SEMA3D: variants seen among roughly 807,000 people sequenced by gnomAD.
SEMA3D encodes semaphorin 3D.
SEMA3D carries 84 observed loss-of-function variants against 100.1 expected under a neutral mutation model. The ratio of observed to expected loss-of-function variants is 0.84; its 90% CI spans 0.70 to 1.01. SEMA3D has a LOEUF of 1.01. SEMA3D is among the 50% of genes least tolerant of loss of function. SEMA3D has a pLI of 0.00. For synonymous variants in SEMA3D, 312 were observed against 320.7 expected (o/e 0.97, Z 0.29); for missense variants, 875 against 934.1 (o/e 0.94, Z 0.82).
At chr7:85,098,511 T>A (rs1414549802) in intron 3 of SEMA3D, among the ~76,000 whole-genome samples, 1 of 151,856 alleles carries the variant, frequency 6.6e-6, no homozygotes, top group Non-Finnish European at 1.5e-5. Flanking sequence ...TTCTACTTTT[T>A]AAAAAATACA....
intron 1 of SEMA3D, among the ~76,000 whole-genome samples, chr7:85,156,569 C>G (rs544977427): frequency 1.3e-5 from 2 of 152,140 alleles, no homozygotes; most frequent in South Asian, 4.1e-4. Context: ...GTCTTAACTA[C>G]ATTTTAATTT....
intron 3 of SEMA3D, among the ~76,000 whole-genome samples, chr7:85,113,629 G>GC: frequency 6.6e-6 from 1 of 151,166 alleles, no homozygotes; most frequent in African/African-American, 2.4e-5. Flanking sequence ...AAATTAGCTG[G>GC]GCTTGGTGGC....
At chr7:85,111,376 C>T (rs1041253437) in intron 3 of SEMA3D, among the ~76,000 whole-genome samples, 8 of 152,118 alleles carry the variant, frequency 5.3e-5, no homozygotes, top group African/African-American at 4.8e-5. Context: ...TCCCACAAAA[C>T]GACTTCTTCC....
chr7:85,152,566 C>T (rs1790461669), intron 2 of SEMA3D, among the ~76,000 whole-genome samples: 1 of 151,948 alleles, frequency 6.6e-6, no homozygotes, highest in South Asian at 2.1e-4. Flanking sequence ...AACAATGAAA[C>T]AACACAACAA....
chr7:85,042,381 C>T (rs2115994292), intron 9 of SEMA3D, 96 bp from the exon 10 acceptor site: 1 of 827,668 alleles, frequency 1.2e-6, no homozygotes, highest in South Asian at 1.6e-5. Flanking sequence ...TTATTGATGT[C>T]ATTGTTTACA....
At chr7:85,102,171 C>G (rs992509942) in intron 3 of SEMA3D, among the ~76,000 whole-genome samples, 1 of 151,894 alleles carries the variant, frequency 6.6e-6, no homozygotes, top group African/African-American at 2.4e-5. Flanking sequence ...ACATCACCTT[C>G]TAAAAGGAGG....
rs986858064 is a variant in SEMA3D at position 85,153,750 on chromosome 7, G to C, written c.-172-11C>G. ...TCCAAGTGTAAAGACCTGAAAAACA[G>C]GAGAGATAATACTGTAGTTCCAGTC... is the stretch of plus-strand genomic sequence containing the variant. On this transcript the variant is annotated splice_polypyrimidine_tract_variant and intron_variant, in intron 1 of 18. Transcript: ENST00000284136. The C allele has an allele frequency of 6.6e-6, 1 of 152,118 alleles. No homozygotes were observed. The highest frequency in any genetic ancestry group is 2.4e-5 in the African/African-American group (1 of 41,426). The allele number at this position is 152,118 out of a possible 1,614,324, so 9.4% of individuals were successfully genotyped here.
rs1438434603 is a variant in SEMA3D at position 85,150,402 on chromosome 7, G to GGA, written c.-41+3204_-41+3205dup. Among the ~76,000 whole-genome samples, 16 of 92,562 alleles carry GGA rather than the reference G, an allele frequency of 1.7e-4. No individual in the cohort carries two copies. In the East Asian group the frequency reaches 4.3e-3, roughly 25 times the overall value. 60.7% of individuals were successfully genotyped at this position (92,562 alleles called of 152,430 possible). On this transcript the variant is annotated intron_variant, in intron 2 of 18. Coordinates refer to ENST00000284136, the MANE Select transcript of SEMA3D (RefSeq NM_001384900.1). ...TATACACACACACATATATTTACAG[G>GGA]GATATATATATATACACACACACAC...
the SEMA3D span, among the ~76,000 whole-genome samples, chr7:85,236,196 C>A: frequency 6.6e-6 from 1 of 151,882 alleles, no homozygotes; most frequent in Non-Finnish European, 1.5e-5. Flanking sequence ...TACCTGCAAC[C>A]CAAGAACTCC....
At position 85,132,024 on chromosome 7, in the gene SEMA3D, ATAGT is replaced by A. The variant is rs1481916628; in HGVS notation, c.-40-10097_-40-10094del. ...GAACATATGTCTGAAATTATTTTAG[ATAGT>A]TAATTAAAATAATTTTTACATGAAA... On this transcript the variant is annotated intron_variant, in intron 2 of 18. Transcript: ENST00000284136. Among the ~76,000 whole-genome samples, 7 of 152,070 alleles carry A rather than the reference ATAGT, an allele frequency of 4.6e-5. No homozygotes were observed. The East Asian group carries it at 5.8e-4, about 13-fold the overall frequency.
the SEMA3D span, among the ~76,000 whole-genome samples, chr7:85,249,313 G>A: frequency 6.6e-6 from 1 of 152,076 alleles, no homozygotes; most frequent in Admixed American, 6.6e-5. Flanking sequence ...AACAAGGAAA[G>A]CCTCAAAAAC....
intron 3 of SEMA3D, among the ~76,000 whole-genome samples, chr7:85,113,068 T>A (rs913548794): frequency 1.3e-5 from 2 of 152,134 alleles, no homozygotes; most frequent in Admixed American, 6.6e-5. Flanking sequence ...CCCCAACACA[T>A]TCAAAGTCCT....
At chr7:85,073,863 A>C (rs990591385) in intron 5 of SEMA3D, among the ~76,000 whole-genome samples, 1 of 152,058 alleles carries the variant, frequency 6.6e-6, no homozygotes, top group East Asian at 1.9e-4. Context: ...TTTTGAAGAA[A>C]TTTTTGTTTC....
At chr7:85,073,450 A>T (rs998983524) in intron 5 of SEMA3D, among the ~76,000 whole-genome samples, 1 of 151,578 alleles carries the variant, frequency 6.6e-6, no homozygotes, top group African/African-American at 2.4e-5. Flanking sequence ...ACACCTCTCT[A>T]TGTTGTCCAG....
rs182128492 is a variant in SEMA3D at position 85,129,164 on chromosome 7, T to C, written c.-40-7233A>G. 4.1e-3 allele frequency among the ~76,000 whole-genome samples: 629 copies of C among 152,164 alleles called. 4 individuals are homozygous for C. The highest frequency in any genetic ancestry group is 0.014 in the African/African-American group (600 of 41,550). On this transcript the variant is annotated intron_variant, in intron 2 of 18. Coordinates refer to ENST00000284136, the MANE Select transcript of SEMA3D (RefSeq NM_001384900.1). ...CTTCAACCTCCCAAAGTATTGGGATTACAGGCGTGAGCCACTGTGCCTCAC... is the reference window on the plus strand; with the variant it reads ...CTTCAACCTCCCAAAGTATTGGGATCACAGGCGTGAGCCACTGTGCCTCAC...
In SEMA3D at chr7:85,097,847, G is replaced by A; in HGVS notation, c.270C>T (p.Ile90=). The change falls in exon 4 of 19, where the codon ATC becomes ATT. Residue 90 remains isoleucine, a synonymous_variant. Transcript: ENST00000284136. The part of the protein sequence containing the change: ...GRLLLGAKDH[I]FLLSLVDLNK... ...TTAAGTCAACCAGACTGAGTAGAAA[G>A]ATGTGGTCTTTGGCTCCCAAGAGCA... 1 of 1,608,306 alleles carries A rather than the reference G, an allele frequency of 6.2e-7. No individual in the cohort carries two copies. The highest frequency in any genetic ancestry group is 8.5e-7 in the Non-Finnish European group (1 of 1,175,764).
intron 2 of SEMA3D, among the ~76,000 whole-genome samples, chr7:85,128,718 T>C (rs368205941): frequency 2.0e-5 from 3 of 151,660 alleles, no homozygotes; most frequent in African/African-American, 4.8e-5. Flanking sequence ...ATAAATGGAT[T>C]TGAATTGTAA....
intron 4 of SEMA3D, among the ~76,000 whole-genome samples, chr7:85,093,510 G>A (rs1022387374): frequency 3.3e-5 from 5 of 151,922 alleles, no homozygotes; most frequent in African/African-American, 9.7e-5. Flanking sequence ...CCGGGTCCTC[G>A]ATAACATCAT....
chr7:85,116,754 T>C (rs948799351), intron 3 of SEMA3D, among the ~76,000 whole-genome samples: 1 of 152,156 alleles, frequency 6.6e-6, no homozygotes, highest in East Asian at 1.9e-4. Context: ...TTTGACTTTT[T>C]GGTCTATGAT....
Sources: allele counts gnomAD v4.1 joint callset (sites outside exome capture counted in the v4.1 genomes callset), GRCh38; gene constraint gnomAD v4.1.1; transcripts MANE v1.5; gene names NCBI Gene and HGNC (gene_info 2026-07-23, HGNC 2026-07-21).